Variants in SCD5 observed in about 807,000 individuals in gnomAD.
SCD5 encodes stearoyl-CoA desaturase 5.
Under a neutral mutation model 30.4 loss-of-function variants are expected in SCD5, and 20 were observed. The observed-to-expected ratio is 0.66, with a 90% CI of 0.46 to 0.96. The LOEUF is 0.96. SCD5 is among the 40% of genes least tolerant of loss of function. The probability of loss-of-function intolerance (pLI) is 0.00; values close to 1 mark genes in which losing one functional copy is unlikely to be tolerated. For missense variants in SCD5, 381 were observed against 443.3 expected (o/e 0.86, Z 1.26); for synonymous variants, 173 against 176.4 (o/e 0.98, Z 0.16).
chr4:82,634,039 A>C (rs1172630576), intron 4 of SCD5, among the ~76,000 whole-genome samples: 1 of 152,184 alleles, frequency 6.6e-6, no homozygotes, highest in Non-Finnish European at 1.5e-5. Context: ...CTTCCACATA[A>C]AAAATGTTTT....
intron 1 of SCD5, among the ~76,000 whole-genome samples, chr4:82,798,080 T>TGGGGCGGGG (rs1436762424): frequency 3.9e-5 from 1 of 25,814 alleles, no homozygotes; most frequent in African/African-American, 1.0e-4. Context: ...CGCGGCGGGG[T>TGGGGCGGGG]GGGGGCGGGG....
chr4:82,698,015 C>T, intron 2 of SCD5: 1 of 456,716 alleles, frequency 2.2e-6, no homozygotes, highest in South Asian at 1.5e-5. Flanking sequence ...ATGTGCAAAT[C>T]TCACCTTCCA....
At chr4:82,792,675 T>C (rs1722124615) in intron 1 of SCD5, among the ~76,000 whole-genome samples, 3 of 152,224 alleles carry the variant, frequency 2.0e-5, no homozygotes, top group African/African-American at 7.2e-5. Flanking sequence ...TGAGCCATGA[T>C]GGCACTGCTG....
At chr4:82,728,987 C>G (rs75121510) in intron 1 of SCD5, among the ~76,000 whole-genome samples, 15,466 of 151,972 alleles carry the variant, frequency 0.1, 947 homozygotes, top group African/African-American at 0.16. Flanking sequence ...TTTCTGACCT[C>G]GATTTTTAAA....
At chr4:82,767,888 G>C (rs1056103229) in intron 1 of SCD5, among the ~76,000 whole-genome samples, 3 of 152,082 alleles carry the variant, frequency 2.0e-5, no homozygotes, top group Non-Finnish European at 4.4e-5. Context: ...GGACCCTCTG[G>C]TTCTACTGGG....
chr4:82,688,173 A>G, intron 2 of SCD5, among the ~76,000 whole-genome samples: 1 of 152,232 alleles, frequency 6.6e-6, no homozygotes, highest in Middle Eastern at 3.2e-3. Flanking sequence ...TTGTATTCAT[A>G]ACACATCTTT....
chr4:82,636,597 C>T lies in SCD5; in HGVS notation c.796G>A (p.Ala266Thr). Reference protein sequence around the residue: ...PRQNPLVALGAIGEGFHNYHH... With the variant: ...PRQNPLVALGTIGEGFHNYHH... ...CCTCAACACCCCTACTCACCAATGG[C>T]ACCCAGAGCGACGAGTGGGTTCTGC... is the stretch of plus-strand genomic sequence containing the variant. Residue 266 changes from alanine (A) to threonine (T), a missense_variant, in exon 4 of 5, where the codon GCC becomes ACC. By Grantham distance (58) the Ala-to-Thr change is moderately conservative. Transcript: ENST00000319540. The T allele has an allele frequency of 6.2e-7, 1 of 1,613,054 alleles. No homozygotes were observed. Among genetic ancestry groups the T allele is most frequent in the Non-Finnish European group, 8.5e-7 (1 of 1,179,478 alleles).
chr4:82,685,899 T>A, intron 2 of SCD5, among the ~76,000 whole-genome samples: 1 of 152,156 alleles, frequency 6.6e-6, no homozygotes. Context: ...CTTAGAGATT[T>A]TTCACTTGTA....
At chr4:82,723,557 T>C (rs765671470) in intron 1 of SCD5, among the ~76,000 whole-genome samples, 1 of 152,244 alleles carries the variant, frequency 6.6e-6, no homozygotes, top group Non-Finnish European at 1.5e-5. Context: ...ATTTGCTTTC[T>C]GATATGTTTG....
intron 1 of SCD5, among the ~76,000 whole-genome samples, chr4:82,736,316 C>T (rs578041051): frequency 1.3e-4 from 20 of 150,964 alleles, no homozygotes; most frequent in Non-Finnish European, 1.8e-4. Context: ...AAAAAAAAAA[C>T]CATTATTCTC....
At chr4:82,637,650 G>A (rs1451747366) in intron 3 of SCD5, among the ~76,000 whole-genome samples, 2 of 152,236 alleles carry the variant, frequency 1.3e-5, no homozygotes, top group Non-Finnish European at 2.9e-5. Flanking sequence ...GAACATCAAA[G>A]TAACTGAAGC....
intron 1 of SCD5, among the ~76,000 whole-genome samples, chr4:82,741,829 GAT>G (rs1482040034): frequency 3.7e-5 from 5 of 133,660 alleles, no homozygotes; most frequent in Non-Finnish European, 7.8e-5. Context: ...CCAGATCAAG[GAT>G]ATGAAAAGGG....
chr4:82,683,515 C>T (rs1338075201), intron 2 of SCD5, among the ~76,000 whole-genome samples: 1 of 152,176 alleles, frequency 6.6e-6, no homozygotes, highest in African/African-American at 2.4e-5. Flanking sequence ...GTTCTCAGTT[C>T]ACATTTCCAT....
chr4:82,687,736 C>A (rs909861912), intron 2 of SCD5, among the ~76,000 whole-genome samples: 4 of 152,160 alleles, frequency 2.6e-5, no homozygotes, highest in East Asian at 3.8e-4. Context: ...TTTTCTCCCA[C>A]GCACAGCCTT....
chr4:82,663,993 G>A (rs914807138), intron 3 of SCD5, among the ~76,000 whole-genome samples: 4 of 152,124 alleles, frequency 2.6e-5, no homozygotes, highest in Non-Finnish European at 5.9e-5. Flanking sequence ...GACTGATACT[G>A]GACCAGAACA....
At chr4:82,711,376 AG>A (rs1720083015) in intron 1 of SCD5, among the ~76,000 whole-genome samples, 1 of 152,200 alleles carries the variant, frequency 6.6e-6, no homozygotes, top group Non-Finnish European at 1.5e-5. Flanking sequence ...GGTGGAAGCC[AG>A]GTATGCTGCT....
chr4:82,692,529 G>A (rs74532980), intron 2 of SCD5: 2,600 of 152,382 alleles, frequency 0.017, 42 homozygotes, highest in Non-Finnish European at 0.029. Context: ...TCCCTACGTC[G>A]GGAGCAGGCA....
intron 1 of SCD5, among the ~76,000 whole-genome samples, chr4:82,790,982 G>T (rs1355487338): frequency 6.6e-6 from 1 of 152,162 alleles, no homozygotes; most frequent in Non-Finnish European, 1.5e-5. Context: ...GCTCATGCCT[G>T]TAATCCCAGC....
At chr4:82,696,578 T>C (rs974624844) in intron 2 of SCD5, among the ~76,000 whole-genome samples, 1 of 152,322 alleles carries the variant, frequency 6.6e-6, no homozygotes, top group Admixed American at 6.5e-5. Flanking sequence ...GCTGCAGACA[T>C]CATTGAGGAA....
Sources: allele counts gnomAD v4.1 joint callset (sites outside exome capture counted in the v4.1 genomes callset), GRCh38; gene constraint gnomAD v4.1.1; transcripts MANE v1.5; gene names NCBI Gene and HGNC (gene_info 2026-07-23, HGNC 2026-07-21).